TCF12: variants seen among roughly 807,000 people sequenced by gnomAD.
TCF12 encodes the protein DNA-binding protein HTF4.
TCF12 carries 45 observed loss-of-function variants against 86.0 expected under a neutral mutation model. That is an observed-to-expected ratio of 0.52 (90% CI 0.41 to 0.67). The LOEUF is 0.67. Ranked by LOEUF, TCF12 falls within the 30% of genes least tolerant of loss-of-function variation. The probability of loss-of-function intolerance (pLI) is 0.00; values close to 1 mark genes in which losing one functional copy is unlikely to be tolerated. For missense variants in TCF12, 881 were observed against 859.9 expected, an observed-to-expected ratio of 1.02 and a Z score of -0.31; for synonymous variants, 330 against 299.6, an observed-to-expected ratio of 1.10 and a Z score of -1.05.
rs1241762803 is a variant in TCF12 at position 57,236,836 on chromosome 15, T to TA, written c.1035+2738dup. ...CCTGTGGATTATGCATTAGTTTAGA[T>TA]AAAAAAAAAGAAAAAAAAAAAACCT... On this transcript the variant is annotated intron_variant, in intron 12 of 20. Coordinates refer to ENST00000333725, the MANE Select transcript of TCF12 (RefSeq NM_207037.2). Among the ~76,000 whole-genome samples the TA allele has an allele frequency of 5.0e-3, 600 of 120,998 alleles. 7 individuals are homozygous for TA. Among genetic ancestry groups the TA allele is most frequent in the African/African-American group, 0.017 (532 of 32,128 alleles). 79.4% of individuals were successfully genotyped at this position (120,998 alleles called of 152,430 possible).
intron 1 of TCF12, chr15:56,919,378 CG>C: frequency 6.6e-6 from 1 of 152,330 alleles, no homozygotes; most frequent in African/African-American, 2.4e-5. Context: ...CTGGGCCCGC[CG>C]GGGACGTCCG....
At chr15:56,958,938 TTGTG>T in intron 3 of TCF12, among the ~76,000 whole-genome samples, 1 of 152,316 alleles carries the variant, frequency 6.6e-6, no homozygotes, top group Admixed American at 6.5e-5. Context: ...ATCTAGTGGA[TTGTG>T]AAACTGGAAA....
chr15:57,175,089 G>A (rs79322098), intron 6 of TCF12, among the ~76,000 whole-genome samples: 1 of 152,296 alleles, frequency 6.6e-6, no homozygotes, highest in East Asian at 1.9e-4. Context: ...CTGATATACA[G>A]GATATATAAA....
At chr15:57,218,985 T>G in intron 8 of TCF12, 2 of 986,438 alleles carry the variant, frequency 2.0e-6, no homozygotes, top group Non-Finnish European at 2.4e-6. Flanking sequence ...TACACATGAT[T>G]CAGTGTTTCC....
chr15:57,254,156 C>A (rs1467845683), intron 16 of TCF12, among the ~76,000 whole-genome samples: 2 of 152,134 alleles, frequency 1.3e-5, no homozygotes. Context: ...CATGTGTTGG[C>A]ATGTTTATGG....
At chr15:56,981,493 C>G (rs1321105021) in intron 3 of TCF12, among the ~76,000 whole-genome samples, 1 of 152,166 alleles carries the variant, frequency 6.6e-6, no homozygotes, top group African/African-American at 2.4e-5. Context: ...ACATAAACAT[C>G]TCCTGTTAGG....
At chr15:57,232,475 A>G in intron 10 of TCF12, 45 bp downstream of exon 10, 1 of 1,540,058 alleles carries the variant, frequency 6.5e-7, no homozygotes, top group South Asian at 1.3e-5. Context: ...CTTTGTCCTC[A>G]CTTGTGTTTC....
chr15:57,201,427 G>T (rs2057537593), intron 8 of TCF12, among the ~76,000 whole-genome samples: 2 of 152,082 alleles, frequency 1.3e-5, no homozygotes, highest in East Asian at 3.8e-4. Flanking sequence ...TGTTAGAGAA[G>T]GAGAGAATGG....
intron 5 of TCF12, among the ~76,000 whole-genome samples, chr15:57,106,600 A>G (rs1402295740): frequency 2.0e-5 from 3 of 152,198 alleles, no homozygotes; most frequent in African/African-American, 7.2e-5. Context: ...TGCCATGTGC[A>G]TGTAAATTGC....
intron 16 of TCF12, among the ~76,000 whole-genome samples, chr15:57,255,879 A>T (rs1312167813): frequency 1.3e-5 from 2 of 152,204 alleles, no homozygotes; most frequent in Non-Finnish European, 2.9e-5. Context: ...GAGCTGCAAC[A>T]TTAGTGCCAC....
chr15:57,186,194 C>A (rs766754688), intron 6 of TCF12, among the ~76,000 whole-genome samples: 10 of 152,070 alleles, frequency 6.6e-5, no homozygotes, highest in Non-Finnish European at 1.2e-4. Context: ...TAATAAGAAT[C>A]CTCCCATAAA....
intron 3 of TCF12, among the ~76,000 whole-genome samples, chr15:56,982,016 CAT>C (rs1359362895): frequency 1.3e-5 from 2 of 152,120 alleles, no homozygotes; most frequent in Admixed American, 6.6e-5. Flanking sequence ...GAAAAAAACA[CAT>C]GTGAGTGGAC....
intron 19 of TCF12, among the ~76,000 whole-genome samples, chr15:57,278,955 CTCCTT>C (rs2061553938): frequency 4.7e-4 from 18 of 38,074 alleles, no homozygotes; most frequent in Admixed American, 4.2e-3. Context: ...TTTTTTTTTT[CTCCTT>C]TCCTTTCTTT....
intron 3 of TCF12, among the ~76,000 whole-genome samples, chr15:57,023,089 T>C (rs2920272): frequency 0.18 from 27,860 of 152,138 alleles, 3,037 homozygotes; most frequent in Non-Finnish European, 0.24. Context: ...TTTTAAATTT[T>C]TGTTTTGGTT....
chr15:56,941,893 C>T (rs2060796834), intron 3 of TCF12, among the ~76,000 whole-genome samples: 1 of 152,066 alleles, frequency 6.6e-6, no homozygotes, highest in African/African-American at 2.4e-5. Flanking sequence ...ACAAAACATT[C>T]TTCATTGTAA....
At chr15:57,197,644 A>G in intron 7 of TCF12, 129 bp from the exon 8 acceptor site, 1 of 937,034 alleles carries the variant, frequency 1.1e-6, no homozygotes, top group Non-Finnish European at 1.6e-6. Context: ...TCATTACTGT[A>G]TTTTGCTGCT....
At chr15:56,972,843 A>T (rs759293990) in intron 3 of TCF12, among the ~76,000 whole-genome samples, 23 of 152,294 alleles carry the variant, frequency 1.5e-4, no homozygotes, top group Middle Eastern at 6.8e-3. Flanking sequence ...ATAGTTATGG[A>T]GGGGAGGGGA....
chr15:57,204,474 A>G (rs2057713518), intron 8 of TCF12, among the ~76,000 whole-genome samples: 1 of 152,168 alleles, frequency 6.6e-6, no homozygotes, highest in South Asian at 2.1e-4. Context: ...AAGAAAAAGA[A>G]AAGAGGTAAG....
intron 3 of TCF12, among the ~76,000 whole-genome samples, chr15:57,030,419 A>T (rs2141342257): frequency 6.6e-6 from 1 of 152,048 alleles, no homozygotes; most frequent in South Asian, 2.1e-4. Context: ...GGCTAACTTT[A>T]TTTATTTTTT....
Sources: allele counts gnomAD v4.1 joint callset (sites outside exome capture counted in the v4.1 genomes callset), GRCh38; gene constraint gnomAD v4.1.1; transcripts MANE v1.5; gene names NCBI Gene and HGNC (gene_info 2026-07-23, HGNC 2026-07-21).